The following SORCS2 variants were observed in gnomAD, a reference collection of about 807,000 sequenced individuals.
SORCS2 encodes the protein sortilin related VPS10 domain containing receptor 2, also known as VPS10 domain-containing receptor SorCS2.
In SORCS2, 100 loss-of-function variants were observed where a neutral mutation model predicts 141.6. That is an observed-to-expected ratio of 0.71 (90% CI 0.60 to 0.83). The LOEUF is 0.83. Ranked by LOEUF, SORCS2 falls within the 40% of genes least tolerant of loss-of-function variation. The probability of loss-of-function intolerance (pLI) is 0.00; values close to 1 mark genes in which losing one functional copy is unlikely to be tolerated. For synonymous variants in SORCS2, 789 were observed against 676.9 expected (o/e 1.17, Z -2.57); for missense variants, 1,646 against 1,560.2 (o/e 1.05, Z -0.93).
intron 8 of SORCS2, 42 bp from the exon 9 acceptor site, chr4:7,676,008 C>G (rs764377265): frequency 5.2e-6 from 8 of 1,548,960 alleles, no homozygotes; most frequent in Admixed American, 3.9e-5. Context: ...CGTGCAGCCC[C>G]CAGCCTGGCT....
intron 2 of SORCS2, among the ~76,000 whole-genome samples, chr4:7,417,374 G>C (rs1021378175): frequency 1.3e-5 from 2 of 152,112 alleles, no homozygotes; most frequent in Non-Finnish European, 2.9e-5. Flanking sequence ...TTGCATATGG[G>C]CCACTCTGGA....
rs536287101 is a variant in SORCS2, at chr4:7,284,568, G to A, written c.480+91442G>A. Among the ~76,000 whole-genome samples, 3 of 152,326 alleles carry A rather than the reference G, an allele frequency of 2.0e-5. No individual in the cohort carries two copies. In the East Asian group the frequency reaches 5.8e-4, roughly 29 times the overall value. ...ACCCTCAGTCCATCCCTCAGCAGGT[G>A]CTCCAGGAGGTGAGGACAGCATTTG... On this transcript the variant is annotated intron_variant, in intron 1 of 26. Transcript: ENST00000507866.
intron 1 of SORCS2, among the ~76,000 whole-genome samples, chr4:7,271,287 A>G (rs57761317): frequency 0.22 from 33,280 of 152,006 alleles, 4,070 homozygotes; most frequent in South Asian, 0.32. Context: ...GAGTCTAATG[A>G]TCCCAGTGGC....
intron 2 of SORCS2, among the ~76,000 whole-genome samples, chr4:7,466,892 G>A (rs1729651076): frequency 6.6e-6 from 1 of 152,150 alleles, no homozygotes; most frequent in African/African-American, 2.4e-5. Flanking sequence ...CTTGGACAGG[G>A]CTGGGATGGA....
intron 3 of SORCS2, among the ~76,000 whole-genome samples, chr4:7,577,994 T>C (rs1031414476): frequency 6.6e-6 from 1 of 152,194 alleles, no homozygotes; most frequent in African/African-American, 2.4e-5. Context: ...AGATTATTTG[T>C]CCCTGCCAAA....
intron 1 of SORCS2, among the ~76,000 whole-genome samples, chr4:7,241,991 G>C (rs907090140): frequency 1.3e-5 from 2 of 152,138 alleles, no homozygotes; most frequent in Non-Finnish European, 2.9e-5. Flanking sequence ...TTGACTGTTG[G>C]GGGTACCGGG....
intron 2 of SORCS2, among the ~76,000 whole-genome samples, chr4:7,455,764 G>C (rs1167407669): frequency 6.6e-6 from 1 of 151,800 alleles, no homozygotes; most frequent in South Asian, 2.1e-4. Flanking sequence ...GTCAGGCTCC[G>C]TGTTAGTGTC....
chr4:7,365,392 TTTTG>T (rs1205941800), intron 1 of SORCS2, among the ~76,000 whole-genome samples: 3 of 151,788 alleles, frequency 2.0e-5, no homozygotes, highest in Non-Finnish European at 4.4e-5. Flanking sequence ...ACCCCTAGGA[TTTTG>T]TTTGGGGCAC....
intron 3 of SORCS2, among the ~76,000 whole-genome samples, chr4:7,596,056 T>A (rs917409979): frequency 1.3e-5 from 2 of 152,190 alleles, no homozygotes; most frequent in African/African-American, 4.8e-5. Context: ...CTAGCTGGCG[T>A]GAGGCAGCAC....
intron 3 of SORCS2, among the ~76,000 whole-genome samples, chr4:7,636,062 C>T (rs576243443): frequency 2.2e-4 from 33 of 152,364 alleles, no homozygotes; most frequent in African/African-American, 7.5e-4. Context: ...CGCCTCGTGC[C>T]ATTGCCCACT....
At chr4:7,480,988 C>A (rs1036214100) in intron 2 of SORCS2, among the ~76,000 whole-genome samples, 1 of 152,220 alleles carries the variant, frequency 6.6e-6, no homozygotes, top group African/African-American at 2.4e-5. Flanking sequence ...GGAGAGGTGG[C>A]GAAATCCTGA....
chr4:7,323,860 G>C (rs1719063790), intron 1 of SORCS2, among the ~76,000 whole-genome samples: 1 of 151,964 alleles, frequency 6.6e-6, no homozygotes, highest in African/African-American at 2.4e-5. Flanking sequence ...TGGAGAGCTG[G>C]GCACGTCATT....
intron 14 of SORCS2, among the ~76,000 whole-genome samples, chr4:7,710,308 C>T (rs2109030427): frequency 6.6e-6 from 1 of 152,294 alleles, no homozygotes; most frequent in African/African-American, 2.4e-5. Context: ...GGGTCCCTTG[C>T]CTCAGCCTCA....
chr4:7,723,580 C>G (rs565484318), intron 18 of SORCS2, 117 bp from the exon 19 acceptor site: 1 of 1,195,360 alleles, frequency 8.4e-7, no homozygotes, highest in Admixed American at 1.9e-5. Flanking sequence ...CCACTCATGT[C>G]AAGGAAGGGA....
intron 3 of SORCS2, among the ~76,000 whole-genome samples, chr4:7,621,425 GTGTGAGTGTGTGTCTA>G (rs1719169893): frequency 1.4e-5 from 2 of 147,026 alleles, no homozygotes; most frequent in African/African-American, 4.9e-5. Flanking sequence ...TTGTGTGTGT[GTGTGAGTGTGTGTCTA>G]TGTGTGTGTC....
intron 19 of SORCS2, among the ~76,000 whole-genome samples, chr4:7,724,525 G>GT (rs1491209922): frequency 7.4e-6 from 1 of 135,248 alleles, no homozygotes; most frequent in African/African-American, 3.0e-5. Flanking sequence ...GGTGGTGATA[G>GT]GGTGGTGGTG....
intron 3 of SORCS2, among the ~76,000 whole-genome samples, chr4:7,560,201 C>T (rs1163999257): frequency 6.6e-6 from 1 of 152,180 alleles, no homozygotes; most frequent in Non-Finnish European, 1.5e-5. Flanking sequence ...CATTCCTATC[C>T]GAGGTGGCTG....
intron 2 of SORCS2, among the ~76,000 whole-genome samples, chr4:7,521,272 C>A: frequency 6.6e-6 from 1 of 152,128 alleles, no homozygotes; most frequent in East Asian, 1.9e-4. Flanking sequence ...GGGTTCAGAT[C>A]CTGCTGCCTT....
chr4:7,338,610 G>A (rs1475270101), intron 1 of SORCS2, among the ~76,000 whole-genome samples: 3 of 152,192 alleles, frequency 2.0e-5, no homozygotes, highest in Admixed American at 6.5e-5. Flanking sequence ...TTGATACAGT[G>A]CTCTTTCTGT....
Sources: allele counts gnomAD v4.1 joint callset (sites outside exome capture counted in the v4.1 genomes callset), GRCh38; gene constraint gnomAD v4.1.1; transcripts MANE v1.5; gene names NCBI Gene and HGNC (gene_info 2026-07-23, HGNC 2026-07-21).